Variants in HNF4G observed in about 807,000 individuals in gnomAD.
HNF4G encodes hepatocyte nuclear factor 4-gamma.
HNF4G carries 21 observed loss-of-function variants against 50.9 expected under a neutral mutation model. The observed-to-expected ratio is 0.41, with a 90% CI of 0.29 to 0.59. The LOEUF is 0.59. HNF4G is among the 20% of genes least tolerant of loss of function. HNF4G has a pLI of 0.26. For missense variants in HNF4G, 527 were observed against 559.4 expected (o/e 0.94, Z 0.58); for synonymous variants, 198 against 185.6 (o/e 1.07, Z -0.54).
In HNF4G at chr8:75,547,664, C is replaced by T. The variant is rs770285159; in HGVS notation, c.365C>T (p.Ala122Val). ...TGTCGATTAAGAAAGTGTTTTAGAG[C>T]GGGAATGAAAAAAGAAGGTAATAAT... ...RYCRLRKCFR[A>V]GMKKEAVQNE... Residue 122 changes from alanine to valine, a missense_variant, in exon 3 of 10, where the codon GCG (alanine) becomes GTG (valine). Physicochemically the swap from Ala to Val is moderately conservative, Grantham distance 64 (BLOSUM62 0). This residue lies in a region of HNF4G where 128 missense variants were observed against 135.3 expected (regional missense o/e 0.95). Transcript: ENST00000396423. 5.6e-6 allele frequency: 9 copies of T among 1,595,608 alleles called. No homozygotes were observed. The highest frequency in any genetic ancestry group is 2.2e-5 in the East Asian group (1 of 44,696).
At chr8:75,544,129 A>G (rs996620203) in intron 2 of HNF4G, 150 bp downstream of exon 2, 3 of 626,088 alleles carry the variant, frequency 4.8e-6, no homozygotes, top group East Asian at 2.8e-5. Flanking sequence ...ACGTGTGGGT[A>G]TGTACACAGG....
chr8:75,451,462 T>A (rs996091301), intron 1 of HNF4G, among the ~76,000 whole-genome samples: 5 of 152,206 alleles, frequency 3.3e-5, no homozygotes, highest in African/African-American at 4.8e-5. Flanking sequence ...TTCTGGTAGT[T>A]TTATAGTTTC....
chr8:75,506,261 G>C (rs527897599), intron 2 of HNF4G, among the ~76,000 whole-genome samples: 3 of 152,000 alleles, frequency 2.0e-5, no homozygotes, highest in East Asian at 3.9e-4. Flanking sequence ...AAAATGTAAA[G>C]CTAATTTTAT....
At chr8:75,473,813 C>T (rs138695398) in intron 1 of HNF4G, among the ~76,000 whole-genome samples, 1 of 151,740 alleles carries the variant, frequency 6.6e-6, no homozygotes, top group Non-Finnish European at 1.5e-5. Context: ...CTGGTGACAC[C>T]TGGTAAAGAA....
At chr8:75,438,774 A>G (rs1003720494) in intron 1 of HNF4G, among the ~76,000 whole-genome samples, 6 of 151,948 alleles carry the variant, frequency 3.9e-5, no homozygotes, top group African/African-American at 1.5e-4. Flanking sequence ...TATCTCTTCT[A>G]CTCTATACTC....
At chr8:75,431,023 G>C (rs969505643) in intron 1 of HNF4G, among the ~76,000 whole-genome samples, 1 of 151,942 alleles carries the variant, frequency 6.6e-6, no homozygotes, top group African/African-American at 2.4e-5. Context: ...ATTTAAAAAA[G>C]AACCAAAGAG....
At chr8:75,496,790 C>G (rs909786071) in intron 2 of HNF4G, among the ~76,000 whole-genome samples, 19 of 146,102 alleles carry the variant, frequency 1.3e-4, no homozygotes, top group African/African-American at 4.5e-4. Context: ...GAAGCAGCAT[C>G]AAATACATTA....
chr8:75,537,771 T>TAGTAAAGAACCCCAATC (rs1214412821), upstream of HNF4G, among the ~76,000 whole-genome samples: 6 of 152,178 alleles, frequency 3.9e-5, no homozygotes, highest in African/African-American at 1.4e-4. Context: ...AAAAAAAATT[T>TAGTAAAGAACCCCAATC]AGTAAAGAAC....
Position 75,481,893 on chromosome 8 carries a change from A to T in HNF4G, c.-143-8196A>T, listed in dbSNP as rs117388909. ...TACACCTCTGGACTCTGGACTGCAT[A>T]CCCTGTGCCTGTCTTCATCCTCTAA... On this transcript the variant is annotated intron_variant, in intron 1 of 10. Coordinates refer to the HNF4G transcript ENST00000354370. Among the ~76,000 whole-genome samples, 351 of 152,236 alleles carry T rather than the reference A, an allele frequency of 2.3e-3. 2 individuals are homozygous for T. Among genetic ancestry groups the T allele is most frequent in the Non-Finnish European group, 1.9e-3 (129 of 68,016 alleles).
intron 1 of HNF4G, among the ~76,000 whole-genome samples, chr8:75,409,816 T>C (rs1810458079): frequency 6.6e-6 from 1 of 152,130 alleles, no homozygotes; most frequent in African/African-American, 2.4e-5. Flanking sequence ...TTCTTGTTTT[T>C]TCTATAAATT....
intron 1 of HNF4G, among the ~76,000 whole-genome samples, chr8:75,463,946 G>A (rs531529886): frequency 6.6e-6 from 1 of 151,836 alleles, no homozygotes; most frequent in African/African-American, 2.4e-5. Flanking sequence ...AGCTAATTTT[G>A]TATTTTTCAT....
chr8:75,495,888 A>G (rs1423146567), intron 2 of HNF4G, among the ~76,000 whole-genome samples: 1 of 152,054 alleles, frequency 6.6e-6, no homozygotes, highest in African/African-American at 2.4e-5. Context: ...TATAGCCCTT[A>G]CCTTAATAAA....
intron 2 of HNF4G, among the ~76,000 whole-genome samples, chr8:75,492,638 C>G (rs897407386): frequency 1.3e-5 from 2 of 152,128 alleles, no homozygotes; most frequent in Non-Finnish European, 2.9e-5. Context: ...GTCTCTTTAT[C>G]CTCATTTTGT....
intron 1 of HNF4G, among the ~76,000 whole-genome samples, chr8:75,482,782 C>A (rs897647159): frequency 5.9e-5 from 9 of 152,298 alleles, no homozygotes; most frequent in African/African-American, 4.8e-5. Flanking sequence ...GTCATGCTTG[C>A]TTTTTCTTTA....
intron 2 of HNF4G, among the ~76,000 whole-genome samples, chr8:75,497,724 T>C (rs1812810955): frequency 1.3e-5 from 2 of 152,000 alleles, no homozygotes; most frequent in Non-Finnish European, 2.9e-5. Context: ...TGGTTTCATG[T>C]AGCTGCTGAA....
chr8:75,445,702 C>A (rs1811409209), intron 1 of HNF4G, among the ~76,000 whole-genome samples: 1 of 137,116 alleles, frequency 7.3e-6, no homozygotes, highest in Admixed American at 7.3e-5. Context: ...CATTCCTCGA[C>A]ACATACACTC....
intron 1 of HNF4G, among the ~76,000 whole-genome samples, chr8:75,432,022 A>T (rs1312674587): frequency 6.6e-6 from 1 of 151,798 alleles, no homozygotes; most frequent in African/African-American, 2.4e-5. Context: ...CTGAAGTAGG[A>T]GTATAGCTGG....
At chr8:75,558,482 ATTTTG>A (rs753946717) in intron 6 of HNF4G, 31 bp from the exon 7 acceptor site, 52 of 1,580,052 alleles carry the variant, frequency 3.3e-5, no homozygotes, top group Middle Eastern at 1.8e-4. Flanking sequence ...ACAGGTGGTT[ATTTTG>A]TTTTGTTTTG....
intron 1 of HNF4G, chr8:75,485,659 A>C (rs1021422156): frequency 6.6e-6 from 1 of 152,218 alleles, no homozygotes; most frequent in African/African-American, 2.4e-5. Flanking sequence ...TTCAAACTTC[A>C]ATATTTAAGA....
Sources: allele counts gnomAD v4.1 joint callset (sites outside exome capture counted in the v4.1 genomes callset), GRCh38; gene constraint gnomAD v4.1.1; regional missense constraint gnomAD v4.1.1; transcripts MANE v1.5; gene names NCBI Gene and HGNC (gene_info 2026-07-23, HGNC 2026-07-21).